Variants in SCUBE1 observed in about 807,000 individuals in gnomAD.
The protein encoded by SCUBE1 is signal peptide, CUB domain and EGF like domain containing 1.
Under a neutral mutation model 124.4 loss-of-function variants are expected in SCUBE1, and 59 were observed. The ratio of observed to expected loss-of-function variants is 0.47; its 90% confidence interval spans 0.38 to 0.59. SCUBE1 has a LOEUF of 0.59. Among genes scored for constraint, SCUBE1 ranks in the 20% least tolerant of loss-of-function variants. SCUBE1 has a pLI of 0.00. For missense variants in SCUBE1, 1,150 were observed against 1,371.2 expected (o/e 0.84, Z 2.55); for synonymous variants, 545 against 550.9 (o/e 0.99, Z 0.15).
chr22:43,272,929 C>T (rs1188730698), intron 4 of SCUBE1, among the ~76,000 whole-genome samples: 2 of 152,234 alleles, frequency 1.3e-5, no homozygotes, highest in African/African-American at 4.8e-5. Context: ...GGTCACGCAG[C>T]TGTCAGTGCA....
intron 11 of SCUBE1, 133 bp downstream of exon 11, chr22:43,222,964 G>C: frequency 7.8e-7 from 1 of 1,287,778 alleles, no homozygotes; most frequent in Non-Finnish European, 1.1e-6. Context: ...GCTGCCTTAG[G>C]GTCACTCAGT....
At chr22:43,249,301 G>A (rs545618587) in intron 6 of SCUBE1, among the ~76,000 whole-genome samples, 1,604 of 151,824 alleles carry the variant, frequency 0.011, 35 homozygotes, top group African/African-American at 0.036. Flanking sequence ...GAGGAGGTAC[G>A]GGCGGGGTGG....
chr22:43,257,106 A>G (rs1046961010), intron 6 of SCUBE1, among the ~76,000 whole-genome samples: 1 of 152,240 alleles, frequency 6.6e-6, no homozygotes, highest in Non-Finnish European at 1.5e-5. Context: ...AGGCAGCAGA[A>G]CCCATGATGA....
At chr22:43,212,866 G>A (rs908733430) in intron 16 of SCUBE1, among the ~76,000 whole-genome samples, 4 of 152,186 alleles carry the variant, frequency 2.6e-5, no homozygotes, top group African/African-American at 9.7e-5. Flanking sequence ...TGAAGAGCAA[G>A]AGGCCTTGCT....
At chr22:43,281,517 C>T (rs865853047) in intron 4 of SCUBE1, among the ~76,000 whole-genome samples, 3 of 94,032 alleles carry the variant, frequency 3.2e-5, no homozygotes, top group South Asian at 7.7e-4. Context: ...CCTCCTCAGC[C>T]ACCCTCCTGT....
At chr22:43,241,092 A>G (rs1922986578) in intron 6 of SCUBE1, among the ~76,000 whole-genome samples, 1 of 152,116 alleles carries the variant, frequency 6.6e-6, no homozygotes, top group Admixed American at 6.5e-5. Flanking sequence ...GACTCCAAGA[A>G]TCCTGGAGGC....
intron 4 of SCUBE1, among the ~76,000 whole-genome samples, chr22:43,276,241 G>T (rs1449681933): frequency 6.6e-6 from 1 of 152,218 alleles, no homozygotes; most frequent in South Asian, 2.1e-4. Context: ...CTGGAGAAGT[G>T]GCCACTGCTG....
chr22:43,279,060 T>A (rs1924652874), intron 4 of SCUBE1, among the ~76,000 whole-genome samples: 1 of 152,086 alleles, frequency 6.6e-6, no homozygotes, highest in South Asian at 2.1e-4. Context: ...AGGACCAGCC[T>A]GGAAGAGGCT....
rs1213647857 is a variant in SCUBE1 at position 43,199,169 on chromosome 22, G to A, written c.*4828C>T. ...TCTAGGAGCCTGGCACACAGGAGGTGCTCAGTAAATGTTTGCGAAATGACT... is the reference window on the plus strand; with the variant it reads ...TCTAGGAGCCTGGCACACAGGAGGTACTCAGTAAATGTTTGCGAAATGACT... On this transcript the variant is annotated 3_prime_UTR_variant, in exon 22 of 22. Coordinates refer to ENST00000360835, the MANE Select transcript of SCUBE1 (RefSeq NM_173050.5). 6 of 176,062 alleles carry A rather than the reference G, an allele frequency of 3.4e-5. 2 individuals are homozygous for A. The highest frequency in any genetic ancestry group is 1.4e-4 in the African/African-American group (5 of 36,038). 10.9% of individuals were successfully genotyped at this position (176,062 alleles called of 1,614,324 possible). A position where few individuals can be genotyped will look rare whatever the true frequency, so the allele number is the denominator to read the frequency against.
In SCUBE1 at chr22:43,198,955, G is replaced by A. The variant is rs113166111; in HGVS notation, c.*5042C>T. On this transcript the variant is annotated 3_prime_UTR_variant, in exon 22 of 22. Coordinates refer to ENST00000360835, the MANE Select transcript of SCUBE1 (RefSeq NM_173050.5). ...GTTTGTCTGTCTGTCTGCTGTCCGG[G>A]GCAGTTTTTCTGTCTGCTGTCCGGG... 0.018 allele frequency: 6,738 copies of A among 365,144 alleles called. 91 individuals are homozygous for A. Among genetic ancestry groups the A allele is most frequent in the Non-Finnish European group, 0.026 (4,885 of 187,710 alleles). The allele number at this position is 365,144 out of a possible 1,614,324, so 22.6% of individuals were successfully genotyped here.
intron 3 of SCUBE1, among the ~76,000 whole-genome samples, chr22:43,319,403 A>G (rs1418711342): frequency 6.6e-6 from 1 of 151,952 alleles, no homozygotes; most frequent in Non-Finnish European, 1.5e-5. Context: ...AGTCTCTACT[A>G]AAAATACAAA....
chr22:43,263,203 C>T (rs1923937693), intron 4 of SCUBE1, among the ~76,000 whole-genome samples: 1 of 152,192 alleles, frequency 6.6e-6, no homozygotes, highest in Admixed American at 6.5e-5. Context: ...ATTTGCTCCC[C>T]TCTCCCGAGC....
chr22:43,227,411 C>G lies in SCUBE1; in HGVS notation c.1170G>C (p.Pro390=), dbSNP rs201649322. ...TKGSYECVCP[P]GRRLHWNGKD... is the part of the protein sequence containing the mutation. ...TCCCGTTCCAGTGGAGCCGCCTCCCCGGGGGACAGACGCACTCGTAGCTGC... is the reference window on the plus strand; with the variant it reads ...TCCCGTTCCAGTGGAGCCGCCTCCCGGGGGGACAGACGCACTCGTAGCTGC... The change falls in exon 10 of 22, where the codon CCG becomes CCC. Residue 390 remains proline (P), a synonymous_variant. Coordinates refer to ENST00000360835, the MANE Select transcript of SCUBE1 (RefSeq NM_173050.5). 1.4e-5 allele frequency: 22 copies of G among 1,612,562 alleles called. No individual in the cohort carries two copies. The highest frequency in any genetic ancestry group is 1.8e-5 in the Non-Finnish European group (21 of 1,179,792).
chr22:43,333,875 G>C (rs917077405), intron 2 of SCUBE1, among the ~76,000 whole-genome samples: 3 of 152,212 alleles, frequency 2.0e-5, no homozygotes, highest in Admixed American at 2.0e-4. Context: ...TTCTTGAGAG[G>C]ATTAAATGAG....
chr22:43,278,378 G>C (rs1315410268), intron 4 of SCUBE1, among the ~76,000 whole-genome samples: 1 of 152,228 alleles, frequency 6.6e-6, no homozygotes, highest in Non-Finnish European at 1.5e-5. Flanking sequence ...GATGGGATTC[G>C]GAGGCATGGC....
intron 7 of SCUBE1, chr22:43,232,217 CT>C (rs1280601152): frequency 4.1e-6 from 1 of 241,770 alleles, no homozygotes; most frequent in East Asian, 8.4e-5. Flanking sequence ...CATGTCCTCT[CT>C]TCTGCAGGTT....
chr22:43,243,128 G>A (rs758653854), intron 6 of SCUBE1, among the ~76,000 whole-genome samples: 8 of 152,268 alleles, frequency 5.3e-5, no homozygotes, highest in Non-Finnish European at 1.2e-4. Flanking sequence ...AGCTGGCCGT[G>A]TTCAGGTCAC....
chr22:43,302,165 A>G (rs543490095), intron 3 of SCUBE1, among the ~76,000 whole-genome samples: 14 of 152,270 alleles, frequency 9.2e-5, no homozygotes, highest in Admixed American at 3.9e-4. Flanking sequence ...TTGTGCGGAG[A>G]TCGCGATGGG....
At chr22:43,299,972 G>T (rs985626704) in intron 3 of SCUBE1, among the ~76,000 whole-genome samples, 1 of 152,124 alleles carries the variant, frequency 6.6e-6, no homozygotes, top group South Asian at 2.1e-4. Flanking sequence ...TCCCTTTTAC[G>T]GCTGAACAGT....
Sources: gnomAD v4.1 joint callset for allele counts (sites outside exome capture counted in the v4.1 genomes callset) on GRCh38, gnomAD v4.1.1 for gene constraint, MANE v1.5 for transcripts, NCBI Gene and HGNC (gene_info 2026-07-23, HGNC 2026-07-21) for gene names.